PIK3C2G: variants seen among roughly 807,000 people sequenced by gnomAD.
PIK3C2G encodes phosphatidylinositol-4-phosphate 3-kinase catalytic subunit type 2 gamma.
A neutral mutation model predicts 181.1 loss-of-function variants in PIK3C2G; 168 were observed. That is an observed-to-expected ratio of 0.93 (90% confidence interval 0.82 to 1.05). PIK3C2G has a LOEUF of 1.05. PIK3C2G is among the 50% of genes least tolerant of loss of function. The pLI is 0.00. For missense variants in PIK3C2G, 1,869 were observed against 1,732.8 expected, an observed-to-expected ratio of 1.08 and a Z score of -1.40; for synonymous variants, 573 against 592.2, an observed-to-expected ratio of 0.97 and a Z score of 0.47.
the PIK3C2G span, among the ~76,000 whole-genome samples, chr12:18,688,852 A>C: frequency 6.6e-5 from 10 of 152,130 alleles, no homozygotes; most frequent in Admixed American, 2.0e-4. Context: ...AAGAGATAGA[A>C]GATATAAGCC....
chr12:18,658,369 A>G, the PIK3C2G span, among the ~76,000 whole-genome samples: 56 of 152,308 alleles, frequency 3.7e-4, no homozygotes, highest in African/African-American at 1.3e-3. Flanking sequence ...AAACATAACA[A>G]GATTCACAAT....
chr12:18,714,761 G>A, the PIK3C2G span: 1 of 152,144 alleles, frequency 6.6e-6, no homozygotes, highest in Non-Finnish European at 1.5e-5. Flanking sequence ...GAGATAGGGA[G>A]AGGTTTGTAA....
intron 25 of PIK3C2G, among the ~76,000 whole-genome samples, chr12:18,545,619 A>C (rs879836044): frequency 3.9e-5 from 6 of 151,944 alleles, no homozygotes; most frequent in African/African-American, 7.2e-5. Flanking sequence ...AATATAAACA[A>C]AATATCTTCC....
intron 8 of PIK3C2G, among the ~76,000 whole-genome samples, chr12:18,328,966 A>G (rs1951472150): frequency 2.0e-5 from 3 of 151,962 alleles, no homozygotes; most frequent in African/African-American, 7.2e-5. Flanking sequence ...AGGTTGCAAA[A>G]GAAGTCAAGG....
At chr12:18,684,620 C>T in the PIK3C2G span, among the ~76,000 whole-genome samples, 6 of 152,038 alleles carry the variant, frequency 3.9e-5, no homozygotes, top group Non-Finnish European at 5.9e-5. Flanking sequence ...AATTCAAAAA[C>T]GGGGAGTCTG....
At position 18,613,236 on chromosome 12, in the gene PIK3C2G, C is replaced by T. The variant is rs538231386; in HGVS notation, c.4182+3607C>T. Among the ~76,000 whole-genome samples the T allele has an allele frequency of 3.3e-5, 5 of 152,002 alleles. 1 individual carries two copies. The highest frequency in any genetic ancestry group is 1.3e-4 in the Admixed American group (2 of 15,218). On this transcript the variant is annotated intron_variant, in intron 31 of 32. Coordinates refer to ENST00000538779, the MANE Select transcript of PIK3C2G (RefSeq NM_001288772.2). The stretch of plus-strand genomic sequence containing the variant: ...TCTCTTCTCCCTGCTCCAGAATGTT[C>T]GCATTCCAGAAGGTGCTAAACATAA...
intron 1 of PIK3C2G, among the ~76,000 whole-genome samples, chr12:18,261,856 C>T (rs1188328778): frequency 6.6e-6 from 1 of 152,012 alleles, no homozygotes; most frequent in African/African-American, 2.4e-5. Context: ...CTCTCTCTCT[C>T]CAGCTAGCTG....
chr12:18,656,071 T>G, the PIK3C2G span, among the ~76,000 whole-genome samples: 3 of 152,168 alleles, frequency 2.0e-5, no homozygotes, highest in Admixed American at 1.3e-4. Flanking sequence ...TTAATACTAG[T>G]AAAGGAGAGT....
At chr12:18,517,291 G>A (rs1193828037) in intron 24 of PIK3C2G, among the ~76,000 whole-genome samples, 1 of 152,056 alleles carries the variant, frequency 6.6e-6, no homozygotes, top group South Asian at 2.1e-4. Context: ...TCAGTCTGGG[G>A]AACGCTTACA....
intron 29 of PIK3C2G, among the ~76,000 whole-genome samples, chr12:18,571,218 T>A (rs913611120): frequency 1.3e-5 from 2 of 151,002 alleles, no homozygotes. Flanking sequence ...TTAGCCTCTT[T>A]TTTGTTATTT....
downstream of PIK3C2G, among the ~76,000 whole-genome samples, chr12:18,652,922 T>C (rs1950580022): frequency 6.6e-6 from 1 of 151,780 alleles, no homozygotes; most frequent in Non-Finnish European, 1.5e-5. Flanking sequence ...ATATACATAT[T>C]CTGTCTCACA....
the PIK3C2G span, chr12:18,701,487 AAAC>A: frequency 1.2e-6 from 2 of 1,614,086 alleles, no homozygotes; most frequent in South Asian, 2.2e-5. Flanking sequence ...GATTTTCACA[AAAC>A]ACCACCTCAC....
At chr12:18,506,865 T>C (rs1941869537) in intron 24 of PIK3C2G, among the ~76,000 whole-genome samples, 1 of 152,070 alleles carries the variant, frequency 6.6e-6, no homozygotes, top group Non-Finnish European at 1.5e-5. Flanking sequence ...TACAAGATAA[T>C]GTGATCGAAT....
chr12:18,389,748 C>A (rs917732746), intron 14 of PIK3C2G, among the ~76,000 whole-genome samples: 1 of 151,982 alleles, frequency 6.6e-6, no homozygotes, highest in Non-Finnish European at 1.5e-5. Context: ...TGAAAAAATG[C>A]AATTTGATAA....
At chr12:18,591,404 A>T (rs1360497999) in intron 29 of PIK3C2G, among the ~76,000 whole-genome samples, 1 of 151,882 alleles carries the variant, frequency 6.6e-6, no homozygotes, top group Non-Finnish European at 1.5e-5. Flanking sequence ...GAGGAGCATA[A>T]GGGAATAAGT....
At chr12:18,537,492 G>A (rs752271047) in intron 24 of PIK3C2G, among the ~76,000 whole-genome samples, 33 of 152,044 alleles carry the variant, frequency 2.2e-4, no homozygotes, top group African/African-American at 1.9e-4. Flanking sequence ...GGTGGGGGAC[G>A]TGGGACCATC....
chr12:18,648,687 T>A (rs541109068), downstream of PIK3C2G, among the ~76,000 whole-genome samples: 1 of 152,234 alleles, frequency 6.6e-6, no homozygotes, highest in South Asian at 2.1e-4. Flanking sequence ...ATGCCTGGAC[T>A]CCAAGATCTC....
At chr12:18,581,562 G>A (rs1018954733) in intron 29 of PIK3C2G, among the ~76,000 whole-genome samples, 4 of 152,174 alleles carry the variant, frequency 2.6e-5, no homozygotes, top group African/African-American at 9.7e-5. Context: ...GTGCCTTTAT[G>A]GACTGACAAG....
chr12:18,651,420 T>C (rs1422286571), downstream of PIK3C2G, among the ~76,000 whole-genome samples: 2 of 152,188 alleles, frequency 1.3e-5, no homozygotes, highest in African/African-American at 4.8e-5. Context: ...TCTTTGAATA[T>C]TTTATATAAT....
Sources: gnomAD v4.1 joint callset for allele counts (sites outside exome capture counted in the v4.1 genomes callset) on GRCh38, gnomAD v4.1.1 for gene constraint, MANE v1.5 for transcripts, NCBI Gene and HGNC (gene_info 2026-07-23, HGNC 2026-07-21) for gene names.